NUDT9: variants seen among roughly 807,000 people sequenced by gnomAD.
NUDT9 encodes ADP-ribose pyrophosphatase.
Under a neutral mutation model 41.0 loss-of-function variants are expected in NUDT9, and 31 were observed. That is an observed-to-expected ratio of 0.76 (90% CI 0.57 to 1.02). NUDT9 has a LOEUF of 1.02. Among genes scored for constraint, NUDT9 ranks in the 50% least tolerant of loss-of-function variants. NUDT9 has a pLI of 0.00. For missense variants in NUDT9, 380 were observed against 431.4 expected, an observed-to-expected ratio of 0.88 and a Z score of 1.06; for synonymous variants, 146 against 147.6, an observed-to-expected ratio of 0.99 and a Z score of 0.08.
chr4:87,452,325 T>A (rs1192141848), intron 6 of NUDT9, among the ~76,000 whole-genome samples: 2 of 152,066 alleles, frequency 1.3e-5, no homozygotes, highest in Non-Finnish European at 2.9e-5. Flanking sequence ...TCTTTCACGT[T>A]GAGTACCCAT....
chr4:87,433,215 C>G (rs1721765305), intron 1 of NUDT9, among the ~76,000 whole-genome samples: 1 of 152,126 alleles, frequency 6.6e-6, no homozygotes, highest in Non-Finnish European at 1.5e-5. Flanking sequence ...ACTTTACTAC[C>G]TATCCTGCAA....
intron 1 of NUDT9, among the ~76,000 whole-genome samples, chr4:87,432,042 G>A (rs1393847000): frequency 2.0e-5 from 3 of 152,082 alleles, no homozygotes; most frequent in Non-Finnish European, 4.4e-5. Context: ...TTGCAACTTT[G>A]CTGAATTCAT....
intron 2 of NUDT9, among the ~76,000 whole-genome samples, chr4:87,437,339 A>G (rs1324432320): frequency 6.8e-6 from 1 of 147,572 alleles, no homozygotes; most frequent in African/African-American, 2.5e-5. Context: ...CTTTATTTTT[A>G]TTTTATTTAT....
At position 87,422,783 on chromosome 4, in the gene NUDT9, A is replaced by G. The variant is rs903725554; in HGVS notation, c.-123A>G. 1.5e-6 allele frequency: 1 copy of G among 663,160 alleles called. No individual in the cohort carries two copies. Among genetic ancestry groups the G allele is most frequent in the African/African-American group, 1.9e-5 (1 of 53,820 alleles). 41.1% of individuals were successfully genotyped at this position (663,160 alleles called of 1,614,324 possible). ...ACAGCTACTCCCGTTCGGGAACCCA[A>G]CGGCAGACAGGTCCTAGTGCCCATC... On this transcript the variant is annotated 5_prime_UTR_variant, in exon 1 of 8. Coordinates refer to ENST00000302174, the MANE Select transcript of NUDT9 (RefSeq NM_024047.5).
intron 2 of NUDT9, among the ~76,000 whole-genome samples, chr4:87,437,015 G>A (rs1303406661): frequency 2.0e-5 from 3 of 152,110 alleles, no homozygotes; most frequent in South Asian, 2.1e-4. Flanking sequence ...TTGGGAGGCC[G>A]AGGCAGGCGG....
At chr4:87,425,223 T>A (rs964543717) in intron 1 of NUDT9, among the ~76,000 whole-genome samples, 5 of 150,680 alleles carry the variant, frequency 3.3e-5, no homozygotes, top group African/African-American at 1.2e-4. Flanking sequence ...GTGGCATGCA[T>A]GTGTAGTCCT....
intron 1 of NUDT9, among the ~76,000 whole-genome samples, chr4:87,426,239 C>T (rs965480567): frequency 3.3e-5 from 5 of 150,736 alleles, no homozygotes; most frequent in African/African-American, 7.3e-5. Flanking sequence ...TTGTTTTATT[C>T]CTGTGAATGC....
chr4:87,439,165 C>CA (rs10631832), intron 3 of NUDT9, among the ~76,000 whole-genome samples: 22,211 of 145,160 alleles, frequency 0.15, 2,254 homozygotes, highest in East Asian at 0.3. Flanking sequence ...GACTCCATCT[C>CA]AAAAAAAAAA....
intron 1 of NUDT9, among the ~76,000 whole-genome samples, chr4:87,430,474 A>T (rs915412876): frequency 1.3e-5 from 2 of 152,254 alleles, no homozygotes; most frequent in Non-Finnish European, 2.9e-5. Flanking sequence ...CTTTATAAAA[A>T]TAGTACCATA....
chr4:87,423,143 T>G (rs1721227296), intron 1 of NUDT9, 131 bp downstream of exon 1: 1 of 542,114 alleles, frequency 1.8e-6, no homozygotes, highest in Non-Finnish European at 3.2e-6. Flanking sequence ...ATACAAGTTT[T>G]CAAAAAGGCT....
chr4:87,444,598 A>G (rs1411492577), intron 4 of NUDT9, among the ~76,000 whole-genome samples: 2 of 152,234 alleles, frequency 1.3e-5, no homozygotes, highest in African/African-American at 2.4e-5. Flanking sequence ...GGCTAAAAAC[A>G]GGAAGGTATG....
chr4:87,438,230 A>G, intron 2 of NUDT9, 47 bp from the exon 3 acceptor site: 1 of 948,218 alleles, frequency 1.1e-6, no homozygotes, highest in Non-Finnish European at 1.7e-6. Flanking sequence ...AGCTGTTGGT[A>G]GTTTTGAATC....
chr4:87,422,968 T>A lies in NUDT9; in HGVS notation c.63T>A (p.Ser21=). The change falls in exon 1 of 8, where the codon TCT becomes TCA. Residue 21 remains serine (S), a synonymous_variant. Transcript: ENST00000302174. ...AAVSLSLALA[S]VTIRSSRCRG... is the part of the protein sequence containing the mutation. ...TGTCTCTCTCTCTGGCCTTGGCCTC[T>A]GTGACTATCAGGTCCTCGCGCTGCC... 1 of 1,613,302 alleles carries A rather than the reference T, an allele frequency of 6.2e-7. No homozygotes were observed. The highest frequency in any genetic ancestry group is 2.2e-5 in the East Asian group (1 of 44,796).
At chr4:87,429,688 G>C (rs201283894) in intron 1 of NUDT9, among the ~76,000 whole-genome samples, 1 of 108,258 alleles carries the variant, frequency 9.2e-6, no homozygotes. Context: ...CTCTCTCCCC[G>C]TTTCCCCCCC....
chr4:87,441,219 A>G (rs1408689745), intron 3 of NUDT9, among the ~76,000 whole-genome samples: 1 of 152,222 alleles, frequency 6.6e-6, no homozygotes, highest in African/African-American at 2.4e-5. Context: ...ATAAAATGAC[A>G]CAGGCATGAG....
At chr4:87,433,687 C>T (rs1378321614) in intron 1 of NUDT9, among the ~76,000 whole-genome samples, 2 of 152,068 alleles carry the variant, frequency 1.3e-5, no homozygotes, top group Admixed American at 6.5e-5. Context: ...ATCAAGAATT[C>T]GTATTTTAAG....
chr4:87,450,134 G>A (rs1722641385), intron 5 of NUDT9, among the ~76,000 whole-genome samples: 1 of 152,046 alleles, frequency 6.6e-6, no homozygotes, highest in South Asian at 2.1e-4. Context: ...CAAAGTGCTG[G>A]GATTACAGGT....
chr4:87,452,299 G>A (rs1722759715), intron 6 of NUDT9, among the ~76,000 whole-genome samples: 1 of 152,100 alleles, frequency 6.6e-6, no homozygotes, highest in Non-Finnish European at 1.5e-5. Context: ...CAACACGCCT[G>A]GCCTGTAAAC....
chr4:87,436,574 G>T (rs2110169763), intron 2 of NUDT9, among the ~76,000 whole-genome samples: 1 of 152,268 alleles, frequency 6.6e-6, no homozygotes, highest in East Asian at 1.9e-4. Flanking sequence ...GCCTCTCAAA[G>T]TGCTGGGATT....
Sources: gnomAD v4.1 joint callset for allele counts (sites outside exome capture counted in the v4.1 genomes callset) on GRCh38, gnomAD v4.1.1 for gene constraint, MANE v1.5 for transcripts, NCBI Gene and HGNC (gene_info 2026-07-23, HGNC 2026-07-21) for gene names.